The following DGLUCY variants were observed in gnomAD, a reference collection of about 807,000 sequenced individuals.
DGLUCY encodes the protein D-glutamate cyclase, mitochondrial.
In DGLUCY, 58 loss-of-function variants were observed where a neutral mutation model predicts 58.5. The ratio of observed to expected loss-of-function variants is 0.99; its 90% confidence interval spans 0.80 to 1.23. The LOEUF (loss-of-function observed/expected upper bound fraction) is 1.23. DGLUCY is among the 50% of genes most tolerant of loss of function. The probability of loss-of-function intolerance (pLI) is 0.00; values close to 1 mark genes in which losing one functional copy is unlikely to be tolerated. For synonymous variants in DGLUCY, 325 were observed against 314.1 expected (o/e 1.03, Z -0.37); for missense variants, 779 against 784.7 (o/e 0.99, Z 0.09).
chr14:91,145,561 A>G (rs1322974083), intron 1 of DGLUCY, among the ~76,000 whole-genome samples: 1 of 152,146 alleles, frequency 6.6e-6, no homozygotes, highest in Non-Finnish European at 1.5e-5. Flanking sequence ...AGTCACGCCT[A>G]GGAGAACCAA....
At chr14:91,187,318 C>G (rs966340164) in intron 8 of DGLUCY, among the ~76,000 whole-genome samples, 1 of 152,200 alleles carries the variant, frequency 6.6e-6, no homozygotes, top group Non-Finnish European at 1.5e-5. Context: ...CTTTCATATT[C>G]TCCAGGCACC....
Position 91,184,590 on chromosome 14 carries a change from G to A in DGLUCY, c.934+3201G>A, listed in dbSNP as rs183907027. On this transcript the variant is annotated intron_variant, in intron 8 of 13. Transcript: ENST00000256324. ...AAGAAAGAAAGTTGGGGGGGGGGAG[G>A]GAGGGAGGGAGGGAGTCTGATTCTG... 6.2e-3 allele frequency among the ~76,000 whole-genome samples: 699 copies of A among 111,952 alleles called. 16 individuals carry two copies. The highest frequency in any genetic ancestry group is 0.023 in the African/African-American group (655 of 28,222). 73.4% of individuals were successfully genotyped at this position (111,952 alleles called of 152,430 possible).
At chr14:91,098,730 G>A (rs1280601481) in intron 1 of DGLUCY, among the ~76,000 whole-genome samples, 1 of 152,122 alleles carries the variant, frequency 6.6e-6, no homozygotes, top group Non-Finnish European at 1.5e-5. Context: ...AGGCAGACTC[G>A]ATACTCTATG....
Position 91,175,082 on chromosome 14 carries a change from G to T in DGLUCY, c.608-852G>T, listed in dbSNP as rs115717728. ...AATCTGGGGTTGGAGGAAGCCAAGG[G>T]TTGCAGCAGGGCTCTTTGTCCGGAG... On this transcript the variant is annotated intron_variant, in intron 6 of 13. Transcript: ENST00000256324. Among the ~76,000 whole-genome samples, 357 of 152,288 alleles carry T rather than the reference G, an allele frequency of 2.3e-3. 1 individual carries two copies. Among genetic ancestry groups the T allele is most frequent in the African/African-American group, 7.2e-3 (300 of 41,560 alleles).
At chr14:91,130,305 C>CTTT (rs1187190275) in intron 1 of DGLUCY, among the ~76,000 whole-genome samples, 1 of 137,252 alleles carries the variant, frequency 7.3e-6, no homozygotes, top group Non-Finnish European at 1.6e-5. Flanking sequence ...CTTTTCTTTT[C>CTTT]TTTTTTTTTT....
upstream of DGLUCY, among the ~76,000 whole-genome samples, chr14:91,112,139 C>T (rs991501724): frequency 2.0e-5 from 3 of 151,396 alleles, no homozygotes; most frequent in East Asian, 1.9e-4. Context: ...ATCTCAGCTA[C>T]TCGGGAGGCT....
At chr14:91,092,921 T>G (rs912634921) in intron 1 of DGLUCY, among the ~76,000 whole-genome samples, 8 of 151,908 alleles carry the variant, frequency 5.3e-5, no homozygotes, top group African/African-American at 1.5e-4. Context: ...CTGTCTCTAC[T>G]AAAAATACAA....
intron 8 of DGLUCY, among the ~76,000 whole-genome samples, chr14:91,185,271 A>ATTTTTTTT (rs35639010): frequency 0.012 from 465 of 38,378 alleles, 69 homozygotes; most frequent in African/African-American, 0.026. Context: ...GCCCAGCCGG[A>ATTTTTTTT]TTTTTTTTTT....
At position 91,114,082 on chromosome 14, in the gene DGLUCY, GA is replaced by G. The variant is rs2044762420; in HGVS notation, c.-282del. ...TGGGCCACGTGAGCTCAGGCTGTGG[GA>G]GCGGATGGAGCTGCTACAGTCAGCG... On this transcript the variant is annotated 5_prime_UTR_variant, in exon 1 of 14. Transcript: ENST00000256324. 1 of 152,350 alleles carries G rather than the reference GA, an allele frequency of 6.6e-6. No homozygotes were observed. Among genetic ancestry groups the G allele is most frequent in the African/African-American group, 2.4e-5 (1 of 41,472 alleles). The allele number at this position is 152,350 out of a possible 1,614,324, so 9.4% of individuals were successfully genotyped here.
At chr14:91,090,378 CT>C (rs1005242734) in intron 1 of DGLUCY, among the ~76,000 whole-genome samples, 3 of 151,552 alleles carry the variant, frequency 2.0e-5, no homozygotes, top group African/African-American at 4.8e-5. Context: ...TGCTCTGTTT[CT>C]TTTTTTTTGT....
intron 5 of DGLUCY, among the ~76,000 whole-genome samples, chr14:91,172,793 C>T (rs1286832685): frequency 2.6e-5 from 4 of 152,050 alleles, no homozygotes; most frequent in East Asian, 3.9e-4. Context: ...ACTAGAGGCG[C>T]GTGCCACCAT....
intron 1 of DGLUCY, among the ~76,000 whole-genome samples, chr14:91,075,835 G>A (rs550033957): frequency 3.3e-5 from 5 of 152,198 alleles, no homozygotes; most frequent in Non-Finnish European, 7.3e-5. Flanking sequence ...ATAACAGGCC[G>A]GGAGCAATGG....
intron 3 of DGLUCY, among the ~76,000 whole-genome samples, chr14:91,160,787 C>T (rs2047938248): frequency 6.6e-6 from 1 of 152,202 alleles, no homozygotes; most frequent in Admixed American, 6.5e-5. Flanking sequence ...TGGTCTTATT[C>T]TCTGGTGGCA....
chr14:91,220,253 G>A (rs538377303), intron 13 of DGLUCY, among the ~76,000 whole-genome samples: 8 of 152,312 alleles, frequency 5.3e-5, no homozygotes, highest in African/African-American at 1.7e-4. Context: ...AGCATTCCTC[G>A]GTCTCCTCGA....
intron 13 of DGLUCY, among the ~76,000 whole-genome samples, chr14:91,218,174 C>T (rs74086308): frequency 0.013 from 2,015 of 152,150 alleles, 44 homozygotes; most frequent in African/African-American, 0.042. Context: ...CTAGAGGGGC[C>T]CAGAGGGCCT....
intron 5 of DGLUCY, among the ~76,000 whole-genome samples, chr14:91,173,079 C>T (rs921820108): frequency 2.6e-5 from 4 of 152,024 alleles, no homozygotes; most frequent in East Asian, 1.9e-4. Context: ...CAAAGGGGTC[C>T]GTGGCACACA....
At chr14:91,212,710 A>T (rs972293767) in intron 12 of DGLUCY, among the ~76,000 whole-genome samples, 3 of 150,302 alleles carry the variant, frequency 2.0e-5, no homozygotes, top group Admixed American at 2.0e-4. Context: ...TTTATTAAAA[A>T]ATGAAGAAAA....
chr14:91,079,833 A>G (rs2044094544), intron 1 of DGLUCY, among the ~76,000 whole-genome samples: 1 of 152,250 alleles, frequency 6.6e-6, no homozygotes, highest in South Asian at 2.1e-4. Context: ...CATGATATAT[A>G]TCATTTTAGC....
At chr14:91,084,247 G>A (rs1355265684) in intron 1 of DGLUCY, among the ~76,000 whole-genome samples, 2 of 146,714 alleles carry the variant, frequency 1.4e-5, no homozygotes, top group Admixed American at 6.9e-5. Context: ...TCTGTCACCC[G>A]GGCTGGATTG....
Sources: gnomAD v4.1 joint callset for allele counts (sites outside exome capture counted in the v4.1 genomes callset) on GRCh38, gnomAD v4.1.1 for gene constraint, MANE v1.5 for transcripts, NCBI Gene and HGNC (gene_info 2026-07-23, HGNC 2026-07-21) for gene names.